Variants in CDH20 observed in about 807,000 individuals in gnomAD.
CDH20 encodes cadherin 20, also known as cadherin-20.
A neutral mutation model predicts 74.2 loss-of-function variants in CDH20; 29 were observed. That is an observed-to-expected ratio of 0.39 (90% CI 0.29 to 0.53). CDH20 has a LOEUF of 0.53. Ranked by LOEUF, CDH20 falls within the 20% of genes least tolerant of loss-of-function variation. The pLI, the probability that CDH20 is intolerant of heterozygous loss-of-function variation, is 0.69. For synonymous variants in CDH20, 469 were observed against 405.4 expected (o/e 1.16, Z -1.88); for missense variants, 988 against 1,048.3 (o/e 0.94, Z 0.79).
At chr18:61,512,647 T>C (rs767657210) in intron 6 of CDH20, among the ~76,000 whole-genome samples, 16 of 152,236 alleles carry the variant, frequency 1.1e-4, no homozygotes, top group Non-Finnish European at 2.2e-4. Flanking sequence ...TGCCAAATCA[T>C]AATATAATAT....
intron 1 of CDH20, among the ~76,000 whole-genome samples, chr18:61,442,383 A>AC (rs1301354100): frequency 6.6e-6 from 1 of 150,728 alleles, no homozygotes; most frequent in Admixed American, 6.6e-5. Context: ...AAAAAAAAAA[A>AC]ACAGAAGCAA....
rs12326202 is a variant in CDH20 at position 61,376,851 on chromosome 18, G to A, written c.-153+43024G>A. ...TCAGGGAGATAATGGCTAGGAATAG[G>A]TGCGTATGCAGGCAGAGTTGGTTAT... On this transcript the variant is annotated intron_variant, in intron 1 of 11. Transcript: ENST00000262717. Among the ~76,000 whole-genome samples, 992 of 152,220 alleles carry A rather than the reference G, an allele frequency of 6.5e-3. 9 individuals carry two copies. Among genetic ancestry groups the A allele is most frequent in the African/African-American group, 0.023 (938 of 41,562 alleles).
At chr18:61,487,557 T>C (rs770985332) in intron 1 of CDH20, among the ~76,000 whole-genome samples, 1 of 152,096 alleles carries the variant, frequency 6.6e-6, no homozygotes, top group Non-Finnish European at 1.5e-5. Context: ...ATTTGGGGTG[T>C]GTAAAGGTAC....
intron 1 of CDH20, among the ~76,000 whole-genome samples, chr18:61,483,652 T>G (rs1281371938): frequency 6.6e-6 from 1 of 152,178 alleles, no homozygotes; most frequent in Non-Finnish European, 1.5e-5. Context: ...CCTCCTAAAC[T>G]GTAAACTCCT....
At chr18:61,528,966 T>C (rs981887480) in intron 7 of CDH20, among the ~76,000 whole-genome samples, 9 of 152,210 alleles carry the variant, frequency 5.9e-5, no homozygotes, top group Non-Finnish European at 1.3e-4. Flanking sequence ...TGTATGGCAA[T>C]ACCAAGTATC....
intron 6 of CDH20, among the ~76,000 whole-genome samples, chr18:61,511,468 G>A (rs1232588043): frequency 6.6e-6 from 1 of 152,082 alleles, no homozygotes; most frequent in Admixed American, 6.6e-5. Flanking sequence ...ACAGGCATGA[G>A]CCACCGCAAC....
intron 6 of CDH20, among the ~76,000 whole-genome samples, chr18:61,518,111 CAG>C (rs1262194875): frequency 7.2e-5 from 11 of 152,196 alleles, no homozygotes. Context: ...AGAAAGGCAG[CAG>C]CCCCAGTCAG....
At chr18:61,478,388 TA>T (rs1157127965) in intron 1 of CDH20, among the ~76,000 whole-genome samples, 15 of 152,298 alleles carry the variant, frequency 9.8e-5, no homozygotes, top group Middle Eastern at 6.8e-3. Flanking sequence ...CTGTTTTTAG[TA>T]TATAAAATAT....
chr18:61,459,285 G>C (rs1011516497), intron 1 of CDH20, among the ~76,000 whole-genome samples: 3 of 152,164 alleles, frequency 2.0e-5, no homozygotes, highest in Non-Finnish European at 4.4e-5. Flanking sequence ...GTTCAATGTA[G>C]ATAAGCCTCT....
chr18:61,544,922 T>A (rs533520995), intron 9 of CDH20, 105 bp from the exon 10 acceptor site: 1 of 757,410 alleles, frequency 1.3e-6, no homozygotes, highest in South Asian at 1.5e-5. Context: ...ATCCTTCTCA[T>A]AAGGTAAAAC....
In CDH20 at chr18:61,554,314, C is replaced by A; in HGVS notation, c.2025C>A (p.Thr675=). 1 of 1,613,790 alleles carries A rather than the reference C, an allele frequency of 6.2e-7. No individual in the cohort carries two copies. ...YDDEGGGEED[T]EAFDIAAMWN... is the part of the protein sequence containing the mutation. Reference sequence around the variant, plus strand: ...ACGAGGGCGGCGGCGAGGAGGACACCGAGGCCTTCGACATCGCGGCCATGT... The same window carrying A: ...ACGAGGGCGGCGGCGAGGAGGACACAGAGGCCTTCGACATCGCGGCCATGT... The change falls in exon 12 of 12, where the codon ACC becomes ACA. Residue 675 remains threonine, a synonymous_variant. Coordinates refer to ENST00000262717, the MANE Select transcript of CDH20 (RefSeq NM_031891.4).
chr18:61,463,184 G>A (rs1046508820), intron 1 of CDH20, among the ~76,000 whole-genome samples: 18 of 151,748 alleles, frequency 1.2e-4, no homozygotes, highest in Non-Finnish European at 2.4e-4. Context: ...GATCCTTCTC[G>A]CTTCCTTGTA....
chr18:61,518,048 G>A (rs1912067532), intron 6 of CDH20, among the ~76,000 whole-genome samples: 1 of 152,112 alleles, frequency 6.6e-6, no homozygotes, highest in Non-Finnish European at 1.5e-5. Flanking sequence ...GCAAAGCCAC[G>A]GTACCTAGAC....
At chr18:61,548,135 G>C (rs932775708) in intron 10 of CDH20, among the ~76,000 whole-genome samples, 1 of 152,210 alleles carries the variant, frequency 6.6e-6, no homozygotes, top group African/African-American at 2.4e-5. Context: ...TGCACGGGTT[G>C]TTTGGTAGGT....
intron 1 of CDH20, among the ~76,000 whole-genome samples, chr18:61,449,822 G>T (rs1858846172): frequency 6.6e-6 from 1 of 151,640 alleles, no homozygotes; most frequent in South Asian, 2.1e-4. Flanking sequence ...AACAGGGAGG[G>T]GGTATTTTCT....
chr18:61,533,527 G>GA (rs1396672476), intron 7 of CDH20, among the ~76,000 whole-genome samples: 6 of 152,246 alleles, frequency 3.9e-5, no homozygotes, highest in African/African-American at 1.2e-4. Flanking sequence ...ATATATTTTG[G>GA]ATATTAGCCC....
chr18:61,464,227 GCTTATCTGGCA>G, intron 1 of CDH20, among the ~76,000 whole-genome samples: 1 of 151,546 alleles, frequency 6.6e-6, no homozygotes, highest in Non-Finnish European at 1.5e-5. Context: ...GAGTTTTTGT[GCTTATCTGGCA>G]TGTTTATGCT....
At chr18:61,428,593 T>A (rs1267576332) in intron 1 of CDH20, among the ~76,000 whole-genome samples, 1 of 152,178 alleles carries the variant, frequency 6.6e-6, no homozygotes, top group East Asian at 1.9e-4. Flanking sequence ...TGCATCTCAA[T>A]ATCTCAGCTC....
intron 6 of CDH20, among the ~76,000 whole-genome samples, chr18:61,521,375 TAAG>T (rs1341123223): frequency 6.6e-6 from 1 of 151,126 alleles, no homozygotes; most frequent in Non-Finnish European, 1.5e-5. Flanking sequence ...ACTAAACCAG[TAAG>T]AAGTCGAATC....
Sources: gnomAD v4.1 joint callset for allele counts (sites outside exome capture counted in the v4.1 genomes callset) on GRCh38, gnomAD v4.1.1 for gene constraint, MANE v1.5 for transcripts, NCBI Gene and HGNC (gene_info 2026-07-23, HGNC 2026-07-21) for gene names.